C2CD2: variants seen among roughly 807,000 people sequenced by gnomAD.
C2CD2 encodes the protein C2 calcium dependent domain containing 2, also known as C2 domain-containing protein 2.
In C2CD2, 43 loss-of-function variants were observed where a neutral mutation model predicts 74.3. The ratio of observed to expected loss-of-function variants is 0.58; its 90% CI spans 0.45 to 0.75. The LOEUF (loss-of-function observed/expected upper bound fraction) is 0.75, where lower values mean the gene tolerates loss of function less well. C2CD2 is among the 30% of genes least tolerant of loss of function. The pLI, the probability that C2CD2 is intolerant of heterozygous loss-of-function variation, is 0.00. For missense variants in C2CD2, 801 were observed against 916.3 expected, an observed-to-expected ratio of 0.87 and a Z score of 1.63; for synonymous variants, 422 against 390.7, an observed-to-expected ratio of 1.08 and a Z score of -0.94.
chr21:41,912,785 A>G (rs917871373), intron 6 of C2CD2, among the ~76,000 whole-genome samples: 7 of 152,180 alleles, frequency 4.6e-5, no homozygotes, highest in Admixed American at 1.3e-4. Context: ...TACCGCGCCC[A>G]GCATTATTTT....
In C2CD2 at chr21:41,953,890, C is replaced by T. The variant is rs1219987422; in HGVS notation, c.-242G>A. The T allele has an allele frequency of 1.9e-5, 4 of 209,078 alleles. No individual in the cohort carries two copies. The highest frequency in any genetic ancestry group is 7.0e-5 in the African/African-American group (3 of 42,686). The allele number at this position is 209,078 out of a possible 1,614,324, so 13.0% of individuals were successfully genotyped here. The stretch of plus-strand genomic sequence containing the variant: ...CACACCTGCGGAACAGGGGCGCGAG[C>T]GGACCCCGCGGCCCGCGCTCCCGAC... On this transcript the variant is annotated 5_prime_UTR_variant, in exon 1 of 14. Transcript: ENST00000380486.
At chr21:41,917,701 G>C (rs2065107954) in intron 5 of C2CD2, among the ~76,000 whole-genome samples, 1 of 152,186 alleles carries the variant, frequency 6.6e-6, no homozygotes, top group African/African-American at 2.4e-5. Context: ...ACCTCCAAGA[G>C]GCAGGAGCTG....
At chr21:41,942,075 T>C (rs2065358885) in intron 2 of C2CD2, 72 bp downstream of exon 2, 1 of 1,531,584 alleles carries the variant, frequency 6.5e-7, no homozygotes, top group African/African-American at 1.4e-5. Context: ...TCAATGATTC[T>C]AAACAAAGCA....
chr21:41,914,978 C>A (rs2065072152), intron 5 of C2CD2, among the ~76,000 whole-genome samples: 1 of 152,336 alleles, frequency 6.6e-6, no homozygotes, highest in South Asian at 2.1e-4. Flanking sequence ...AGTAGCAGTG[C>A]ATTCATCCAC....
chr21:41,919,077 T>C (rs2146194551), intron 3 of C2CD2, 117 bp from the exon 4 acceptor site: 1 of 741,510 alleles, frequency 1.3e-6, no homozygotes, highest in South Asian at 1.6e-5. Context: ...TGAGCATGTG[T>C]CTATGTGAGC....
chr21:41,898,992 C>A, intron 13 of C2CD2, 61 bp downstream of exon 13: 1 of 1,305,584 alleles, frequency 7.7e-7, no homozygotes, highest in Non-Finnish European at 1.1e-6. Context: ...AGCTTGGAAG[C>A]CAGCATGAGC....
At chr21:41,951,425 T>C (rs1342408462) in intron 1 of C2CD2, among the ~76,000 whole-genome samples, 3 of 133,722 alleles carry the variant, frequency 2.2e-5, no homozygotes, top group Non-Finnish European at 4.6e-5. Flanking sequence ...ACTATGTCCA[T>C]GCAAAAATGC....
intron 10 of C2CD2, among the ~76,000 whole-genome samples, chr21:41,906,780 T>C (rs1244701498): frequency 1.3e-5 from 2 of 152,228 alleles, no homozygotes; most frequent in African/African-American, 4.8e-5. Flanking sequence ...TTTCAGTTTA[T>C]TGCATATGTG....
rs1048007966 is a variant in C2CD2, at chr21:41,924,315, C to T, written c.379-2230G>A. Reference sequence around the variant, plus strand: ...AAAACGGAACCTGGGCACTAAGGCCCGGGCAGGGGTCAACATCCAATATCC... The same window carrying T: ...AAAACGGAACCTGGGCACTAAGGCCTGGGCAGGGGTCAACATCCAATATCC... On this transcript the variant is annotated intron_variant, in intron 2 of 13. Transcript: ENST00000380486. This position sits in a 1 kb window ranked among gnomAD's most constrained non-coding sequence, Gnocchi z 4.4. Among the ~76,000 whole-genome samples, 3 of 152,206 alleles carry T rather than the reference C, an allele frequency of 2.0e-5. No individual in the cohort carries two copies. Among genetic ancestry groups the T allele is most frequent in the East Asian group, 1.9e-4 (1 of 5,172 alleles).
chr21:41,936,501 A>T (rs1330894952), intron 2 of C2CD2, among the ~76,000 whole-genome samples: 1 of 152,244 alleles, frequency 6.6e-6, no homozygotes, highest in Non-Finnish European at 1.5e-5. Context: ...GACAATGTAA[A>T]TTATTCCGGC....
chr21:41,918,189 G>T lies in C2CD2; in HGVS notation c.636C>A (p.Leu212=), dbSNP rs527948043. Reference sequence around the variant, plus strand: ...CAGCCAAATGCTTCAAGATGTCCTTGAGAACGTCAGACATCGCACTTGTCT... The same window carrying T: ...CAGCCAAATGCTTCAAGATGTCCTTTAGAACGTCAGACATCGCACTTGTCT... ...VAETSAMSDV[L]KDILKHLAGS... Residue 212 remains leucine, a synonymous_variant, in exon 5 of 14, where the codon CTC becomes CTA. Transcript: ENST00000380486. The T allele has an allele frequency of 4.3e-6, 7 of 1,613,992 alleles. No individual in the cohort carries two copies. In the Admixed American group the frequency reaches 1.2e-4, roughly 27 times the overall value.
intron 1 of C2CD2, among the ~76,000 whole-genome samples, chr21:41,949,840 G>A (rs920789828): frequency 2.0e-5 from 3 of 152,176 alleles, no homozygotes; most frequent in Non-Finnish European, 2.9e-5. Context: ...CCTTTGCAGG[G>A]ACATGGATGA....
intron 1 of C2CD2, among the ~76,000 whole-genome samples, chr21:41,951,115 C>T (rs1247105332): frequency 1.3e-5 from 2 of 152,134 alleles, no homozygotes; most frequent in South Asian, 2.1e-4. Context: ...GTCACAACAG[C>T]GATGGCCCAG....
rs1472818814 is a variant in C2CD2 at position 41,939,917 on chromosome 21, G to A, written c.378+2230C>T. On this transcript the variant is annotated intron_variant, in intron 2 of 13. Coordinates refer to ENST00000380486, the MANE Select transcript of C2CD2 (RefSeq NM_015500.2). This position sits in a 1 kb window ranked among gnomAD's most constrained non-coding sequence, Gnocchi z 5.5. ...CCTCCGGTGCTTGTCTGAGGAGTCG[G>A]GAGGCGGTGAACAGACACAATCGCT... Among the ~76,000 whole-genome samples, 1 of 152,172 alleles carries A rather than the reference G, an allele frequency of 6.6e-6. No individual in the cohort carries two copies. Among genetic ancestry groups the A allele is most frequent in the Non-Finnish European group, 1.5e-5 (1 of 68,034 alleles).
chr21:41,950,549 T>C (rs2065441931), intron 1 of C2CD2, among the ~76,000 whole-genome samples: 1 of 152,236 alleles, frequency 6.6e-6, no homozygotes, highest in Non-Finnish European at 1.5e-5. Flanking sequence ...CGAGCCCCAC[T>C]GTTTGGGATA....
chr21:41,940,248 T>G (rs2065343778), intron 2 of C2CD2, among the ~76,000 whole-genome samples: 1 of 152,200 alleles, frequency 6.6e-6, no homozygotes, highest in South Asian at 2.1e-4. Flanking sequence ...GAGCTCGGGT[T>G]CATCTGGAAT....
Position 41,901,652 on chromosome 21 carries a change from T to C in C2CD2, c.1530A>G (p.Lys510=), listed in dbSNP as rs2064899137. The change falls in exon 12 of 14, where the codon AAA becomes AAG. Residue 510 remains lysine (K), a synonymous_variant. Transcript: ENST00000380486. ...AGATCCCTGATATGATAATAGTGCTTTTCTTCCGTGGCGACTTGAGTTTCA... is the reference window on the plus strand; with the variant it reads ...AGATCCCTGATATGATAATAGTGCTCTTCTTCCGTGGCGACTTGAGTTTCA... ...SKLKLKSPRK[K]STIIISGISK... is the part of the protein sequence containing the mutation. The C allele has an allele frequency of 1.2e-6, 2 of 1,614,088 alleles. No individual in the cohort carries two copies. The highest frequency in any genetic ancestry group is 1.7e-6 in the Non-Finnish European group (2 of 1,180,036).
At chr21:41,900,231 G>A (rs146013192) in intron 12 of C2CD2, among the ~76,000 whole-genome samples, 163 of 152,172 alleles carry the variant, frequency 1.1e-3, no homozygotes, top group Admixed American at 1.8e-3. Context: ...CCGAGATTAC[G>A]CCACTGCACT....
rs1424950431 is a variant in C2CD2 at position 41,930,562 on chromosome 21, C to G, written c.379-8477G>C. On this transcript the variant is annotated intron_variant, in intron 2 of 13. Coordinates refer to ENST00000380486, the MANE Select transcript of C2CD2 (RefSeq NM_015500.2). The stretch of plus-strand genomic sequence containing the variant: ...CTAAAAATACAACAAATTAGCCGGG[C>G]GTGGTGACACGTGCCTGTAGTCCCA... Among the ~76,000 whole-genome samples, 11 of 149,216 alleles carry G rather than the reference C, an allele frequency of 7.4e-5. No homozygotes were observed. The Admixed American group carries it at 7.4e-4, about 10-fold the overall frequency.
Sources: allele counts gnomAD v4.1 joint callset (sites outside exome capture counted in the v4.1 genomes callset), GRCh38; gene constraint gnomAD v4.1.1; non-coding constraint Gnocchi (gnomAD v3.1); transcripts MANE v1.5; gene names NCBI Gene and HGNC (gene_info 2026-07-23, HGNC 2026-07-21).